ALK: variants seen among roughly 807,000 people sequenced by gnomAD.
ALK encodes ALK receptor tyrosine kinase.
A neutral mutation model predicts 163.1 loss-of-function variants in ALK; 74 were observed. The observed-to-expected ratio is 0.45, with a 90% CI of 0.38 to 0.55. The LOEUF is 0.55. Ranked by LOEUF, ALK falls within the 20% of genes least tolerant of loss-of-function variation. ALK has a pLI of 0.00. For synonymous variants in ALK, 960 were observed against 843.2 expected (o/e 1.14, Z -2.40); for missense variants, 2,063 against 2,105.3 (o/e 0.98, Z 0.39).
In ALK at chr2:29,242,784, A is replaced by C. The variant is rs561815055; in HGVS notation, c.2205-2954T>G. 6.6e-5 allele frequency among the ~76,000 whole-genome samples: 10 copies of C among 152,366 alleles called. No individual in the cohort carries two copies. The South Asian group carries it at 1.7e-3, about 25-fold the overall frequency. On this transcript the variant is annotated intron_variant, in intron 12 of 28. Coordinates refer to ENST00000389048, the MANE Select transcript of ALK (RefSeq NM_004304.5). ...AGAAGACTGCAAACCCATGCAAAGC[A>C]CAAGGCGAGACCCGGGGCTGGGGTC...
At chr2:29,632,123 C>G (rs1192404872) in intron 3 of ALK, among the ~76,000 whole-genome samples, 2 of 152,172 alleles carry the variant, frequency 1.3e-5, no homozygotes, top group East Asian at 3.9e-4. Context: ...TCTCTCTCCC[C>G]CAGGATAGGT....
chr2:29,705,986 C>T (rs1271146398), intron 2 of ALK, among the ~76,000 whole-genome samples: 1 of 152,200 alleles, frequency 6.6e-6, no homozygotes, highest in East Asian at 1.9e-4. Context: ...GTGTGCTCCT[C>T]TCTCAATATT....
At chr2:29,919,682 G>C (rs774996815) in intron 1 of ALK, among the ~76,000 whole-genome samples, 1 of 152,144 alleles carries the variant, frequency 6.6e-6, no homozygotes, top group Non-Finnish European at 1.5e-5. Flanking sequence ...ACTGTCCCGG[G>C]GCCCAGGAAG....
intron 3 of ALK, among the ~76,000 whole-genome samples, chr2:29,647,775 C>CTTTTTTT (rs34620705): frequency 2.6e-5 from 3 of 117,212 alleles, no homozygotes; most frequent in East Asian, 2.5e-4. Context: ...ATGATTTTTT[C>CTTTTTTT]TTTTTTTTTT....
intron 3 of ALK, among the ~76,000 whole-genome samples, chr2:29,662,355 C>A (rs1277376517): frequency 6.6e-6 from 1 of 152,142 alleles, no homozygotes; most frequent in African/African-American, 2.4e-5. Context: ...TCCCAAACTC[C>A]CAGGTGCTCA....
intron 4 of ALK, among the ~76,000 whole-genome samples, chr2:29,508,573 C>T (rs544747959): frequency 6.6e-6 from 1 of 151,884 alleles, no homozygotes; most frequent in African/African-American, 2.4e-5. Context: ...GAAGGGATAG[C>T]ATTAGGAGAT....
chr2:29,549,562 A>T (rs1387952946), intron 3 of ALK, among the ~76,000 whole-genome samples: 4 of 152,182 alleles, frequency 2.6e-5, no homozygotes, highest in South Asian at 2.1e-4. Flanking sequence ...TATTTTATTT[A>T]ATTTTAATTA....
chr2:29,208,529 G>A (rs1480527844), intron 25 of ALK, among the ~76,000 whole-genome samples: 1 of 152,212 alleles, frequency 6.6e-6, no homozygotes, highest in Admixed American at 6.5e-5. Context: ...GCGAAGTGGA[G>A]CAGAGGAGAG....
At chr2:29,698,089 T>G (rs1296196285) in intron 2 of ALK, among the ~76,000 whole-genome samples, 2 of 152,206 alleles carry the variant, frequency 1.3e-5, no homozygotes, top group Admixed American at 6.5e-5. Flanking sequence ...TAATACTCCT[T>G]GCCCTTTCAC....
intron 26 of ALK, among the ~76,000 whole-genome samples, chr2:29,201,668 T>TC (rs747747499): frequency 7.2e-5 from 11 of 151,742 alleles, no homozygotes; most frequent in Non-Finnish European, 1.0e-4. Flanking sequence ...GCGTCTGTAA[T>TC]CCCAGCTACT....
At chr2:29,397,025 T>A (rs1669326946) in intron 4 of ALK, among the ~76,000 whole-genome samples, 1 of 152,048 alleles carries the variant, frequency 6.6e-6, no homozygotes, top group Non-Finnish European at 1.5e-5. Context: ...CATGTGCCAC[T>A]ATTGGCTGGC....
intron 3 of ALK, among the ~76,000 whole-genome samples, chr2:29,669,222 G>A (rs571561118): frequency 2.6e-5 from 4 of 152,158 alleles, no homozygotes; most frequent in Non-Finnish European, 5.9e-5. Flanking sequence ...TTATTGGACT[G>A]TAGTCTATCT....
intron 8 of ALK, among the ~76,000 whole-genome samples, chr2:29,313,349 G>A (rs1323762897): frequency 1.3e-5 from 2 of 152,166 alleles, no homozygotes; most frequent in Admixed American, 1.3e-4. Context: ...CCCACCCAAT[G>A]AACAAACTCC....
chr2:29,830,742 A>C (rs1269859810), intron 1 of ALK, among the ~76,000 whole-genome samples: 18 of 124,342 alleles, frequency 1.4e-4, no homozygotes, highest in East Asian at 2.7e-4. Flanking sequence ...AAAAAAAAAA[A>C]AAAAAAAAAA....
intron 1 of ALK, among the ~76,000 whole-genome samples, chr2:29,902,835 G>C (rs921718110): frequency 6.6e-6 from 1 of 151,972 alleles, no homozygotes; most frequent in Admixed American, 6.6e-5. Context: ...ACTGTTCTTT[G>C]CCCGAAGACA....
At chr2:29,446,448 G>T (rs1019705693) in intron 4 of ALK, among the ~76,000 whole-genome samples, 5 of 152,120 alleles carry the variant, frequency 3.3e-5, no homozygotes, top group African/African-American at 1.2e-4. Context: ...AGATATAACT[G>T]GGATTTGTCA....
At chr2:29,914,193 C>A (rs903391096) in intron 1 of ALK, among the ~76,000 whole-genome samples, 1 of 152,218 alleles carries the variant, frequency 6.6e-6, no homozygotes, top group East Asian at 1.9e-4. Flanking sequence ...TACCACACTT[C>A]AATCCTCCTT....
intron 28 of ALK, among the ~76,000 whole-genome samples, chr2:29,194,585 T>G (rs909334931): frequency 6.6e-6 from 1 of 152,130 alleles, no homozygotes; most frequent in African/African-American, 2.4e-5. Context: ...CTGCAACCTC[T>G]GCCTAGTGGG....
At position 29,920,281 on chromosome 2, in the gene ALK, G is replaced by C. The variant is rs1249230069; in HGVS notation, c.379C>G (p.Leu127Val). The change falls in exon 1 of 29, where the codon CTG becomes GTG. Residue 127 changes from leucine (L) to valine (V), a missense_variant. Physicochemically the swap from Leu to Val is conservative, Grantham distance 32. Around this residue, in one of 5 missense-constraint regions of ALK, gnomAD observed 987 missense variants for 939.5 expected, o/e 1.05. Coordinates refer to ENST00000389048, the MANE Select transcript of ALK (RefSeq NM_004304.5). The stretch of plus-strand genomic sequence containing the variant: ...AGCTTGCGCACGGAGCCGCCCTTCA[G>C]CACCCTGGACAGCGTCCGGGCCTCT... ...PAEARTLSRVLKGGSVRKLRR... is the reference protein window; with the variant it reads ...PAEARTLSRVVKGGSVRKLRR... 1 of 1,586,106 alleles carries C rather than the reference G, an allele frequency of 6.3e-7. No homozygotes were observed. The highest frequency in any genetic ancestry group is 8.6e-7 in the Non-Finnish European group (1 of 1,167,238).
Sources: gnomAD v4.1 joint callset for allele counts (sites outside exome capture counted in the v4.1 genomes callset) on GRCh38, gnomAD v4.1.1 for gene constraint, gnomAD v4.1.1 regional missense constraint, MANE v1.5 for transcripts, NCBI Gene and HGNC (gene_info 2026-07-23, HGNC 2026-07-21) for gene names.